MGAT5: variants seen among roughly 807,000 people sequenced by gnomAD.
MGAT5 encodes the protein alpha-1,6-mannosylglycoprotein 6-beta-N-acetylglucosaminyltransferase, also known as alpha-1,6-mannosylglycoprotein 6-beta-N-acetylglucosaminyltransferase A.
Under a neutral mutation model 94.3 loss-of-function variants are expected in MGAT5, and 30 were observed. The observed-to-expected ratio is 0.32, with a 90% CI of 0.24 to 0.43. The LOEUF is 0.43. Ranked by LOEUF, MGAT5 falls within the 20% of genes least tolerant of loss-of-function variation. MGAT5 has a pLI of 1.00. For missense variants in MGAT5, 691 were observed against 905.5 expected (o/e 0.76, Z 3.04); for synonymous variants, 310 against 322.9 (o/e 0.96, Z 0.43).
intron 10 of MGAT5, among the ~76,000 whole-genome samples, chr2:134,390,445 C>T (rs7571515): frequency 0.18 from 27,402 of 152,150 alleles, 2,629 homozygotes; most frequent in Middle Eastern, 0.27. Context: ...TGTTGGTGTG[C>T]TGCACCCATT....
chr2:134,135,742 G>A (rs2104933060), intron 1 of MGAT5, among the ~76,000 whole-genome samples: 1 of 147,224 alleles, frequency 6.8e-6, no homozygotes, highest in South Asian at 2.2e-4. Context: ...GTGGGGTATA[G>A]CAGAAATAGA....
intron 4 of MGAT5, among the ~76,000 whole-genome samples, chr2:134,328,206 C>G (rs1331850872): frequency 2.0e-5 from 3 of 152,088 alleles, no homozygotes; most frequent in Admixed American, 2.0e-4. Context: ...ACTACAACAT[C>G]CCTTTAAATT....
chr2:134,311,052 G>A (rs1686623302), intron 2 of MGAT5, among the ~76,000 whole-genome samples: 1 of 152,194 alleles, frequency 6.6e-6, no homozygotes, highest in Non-Finnish European at 1.5e-5. Context: ...TAGAATTGCT[G>A]GAGAACTTTA....
intron 4 of MGAT5, among the ~76,000 whole-genome samples, chr2:134,331,235 A>G (rs1687951050): frequency 6.6e-6 from 1 of 152,134 alleles, no homozygotes; most frequent in South Asian, 2.1e-4. Flanking sequence ...AAAAAAACAA[A>G]TTGTTGTATT....
intron 1 of MGAT5, among the ~76,000 whole-genome samples, chr2:134,240,372 T>A (rs906276910): frequency 3.5e-4 from 48 of 135,278 alleles, no homozygotes; most frequent in Non-Finnish European, 7.1e-4. Context: ...TTTTTTTTTT[T>A]ACTATTTGTA....
chr2:134,255,524 C>G (rs1194189838), intron 1 of MGAT5, among the ~76,000 whole-genome samples: 1 of 150,690 alleles, frequency 6.6e-6, no homozygotes, highest in Non-Finnish European at 1.5e-5. Context: ...TATATACACA[C>G]ACATATATAT....
At chr2:134,314,113 G>T (rs1427457383) in intron 2 of MGAT5, among the ~76,000 whole-genome samples, 1 of 152,186 alleles carries the variant, frequency 6.6e-6, no homozygotes, top group African/African-American at 2.4e-5. Flanking sequence ...TCTTGGTCAG[G>T]TTATTCCCGG....
At chr2:134,433,430 T>C (rs1684996404) in intron 14 of MGAT5, among the ~76,000 whole-genome samples, 1 of 152,240 alleles carries the variant, frequency 6.6e-6, no homozygotes, top group Non-Finnish European at 1.5e-5. Context: ...AAGGTAGATT[T>C]CTGTTCTGGC....
intron 14 of MGAT5, 77 bp from the exon 15 acceptor site, chr2:134,441,681 G>A (rs1332374672): frequency 2.6e-6 from 4 of 1,527,260 alleles, no homozygotes; most frequent in African/African-American, 1.4e-5. Context: ...CGCCTCCATT[G>A]CTAGGGTGGT....
At chr2:134,254,852 C>T (rs1234249563) in intron 1 of MGAT5, among the ~76,000 whole-genome samples, 1 of 152,146 alleles carries the variant, frequency 6.6e-6, no homozygotes, top group Non-Finnish European at 1.5e-5. Flanking sequence ...CACACTTTCC[C>T]CTGGAGTCAG....
At chr2:134,384,952 A>G (rs1005664769) in intron 10 of MGAT5, among the ~76,000 whole-genome samples, 5 of 152,174 alleles carry the variant, frequency 3.3e-5, no homozygotes, top group Non-Finnish European at 5.9e-5. Context: ...GAAGGGTAAG[A>G]TGCACCTGAC....
intron 2 of MGAT5, among the ~76,000 whole-genome samples, chr2:134,284,533 T>G (rs1684890578): frequency 6.6e-6 from 1 of 151,908 alleles, no homozygotes; most frequent in Non-Finnish European, 1.5e-5. Context: ...ATAGTCTGCA[T>G]GCAACCCTGT....
intron 9 of MGAT5, among the ~76,000 whole-genome samples, chr2:134,358,378 T>C (rs1202880417): frequency 6.6e-6 from 1 of 152,234 alleles, no homozygotes; most frequent in African/African-American, 2.4e-5. Context: ...AAAAAAGTTT[T>C]AATCTGAGGA....
rs1241636958 is a variant in MGAT5 at position 134,403,108 on chromosome 2, GACCTGC to G, written c.1503_1508del (p.Asp501_Gln503delinsGlu). 1 of 1,607,156 alleles carries G rather than the reference GACCTGC, an allele frequency of 6.2e-7. No individual in the cohort carries two copies. The highest frequency in any genetic ancestry group is 8.5e-7 in the Non-Finnish European group (1 of 1,178,618). The stretch of plus-strand genomic sequence containing the variant: ...AAACCATGGTATCCTCAGTGGACGG[GACCTGC>G]AGTTCCTTCTTCGAGAAACCAAGGT... On this transcript the variant is annotated inframe_deletion, in exon 11 of 16. Coordinates refer to ENST00000281923, the MANE Select transcript of MGAT5 (RefSeq NM_002410.5).
At chr2:134,293,175 A>G (rs1373407466) in intron 2 of MGAT5, among the ~76,000 whole-genome samples, 2 of 152,242 alleles carry the variant, frequency 1.3e-5, no homozygotes, top group African/African-American at 2.4e-5. Context: ...TATAACATGT[A>G]TATGATAATA....
At chr2:134,303,448 G>A (rs1686149925) in intron 2 of MGAT5, among the ~76,000 whole-genome samples, 1 of 152,070 alleles carries the variant, frequency 6.6e-6, no homozygotes, top group African/African-American at 2.4e-5. Context: ...TTAAATTACT[G>A]ACTTACTGCC....
chr2:134,394,391 C>G (rs1682587559), intron 10 of MGAT5, among the ~76,000 whole-genome samples: 3 of 152,060 alleles, frequency 2.0e-5, no homozygotes, highest in Admixed American at 6.6e-5. Flanking sequence ...GAGTAAAGAT[C>G]AATTGACATC....
At chr2:134,329,257 T>C (rs1163790275) in intron 4 of MGAT5, among the ~76,000 whole-genome samples, 2 of 152,080 alleles carry the variant, frequency 1.3e-5, no homozygotes, top group East Asian at 3.9e-4. Context: ...AGTCAGATTC[T>C]ATAAGATCTT....
chr2:134,223,016 T>C (rs1474693571), intron 1 of MGAT5, among the ~76,000 whole-genome samples: 1 of 152,174 alleles, frequency 6.6e-6, no homozygotes, highest in Non-Finnish European at 1.5e-5. Flanking sequence ...TATCTATATT[T>C]ATCTTCACAA....
Sources: allele counts gnomAD v4.1 joint callset (sites outside exome capture counted in the v4.1 genomes callset), GRCh38; gene constraint gnomAD v4.1.1; transcripts MANE v1.5; gene names NCBI Gene and HGNC (gene_info 2026-07-23, HGNC 2026-07-21).